THTPA: variants seen among roughly 807,000 people sequenced by gnomAD.
THTPA encodes the protein thiamine-triphosphatase.
In THTPA, 16 loss-of-function variants were observed where a neutral mutation model predicts 16.5. The ratio of observed to expected loss-of-function variants is 0.97; its 90% CI spans 0.66 to 1.47. The LOEUF (loss-of-function observed/expected upper bound fraction) is 1.47. Ranked by LOEUF, THTPA falls within the 40% of genes most tolerant of loss-of-function variation. The probability of loss-of-function intolerance (pLI) is 0.00; values close to 1 mark genes in which losing one functional copy is unlikely to be tolerated. For missense variants in THTPA, 281 were observed against 280.9 expected (o/e 1.00, Z 0.00); for synonymous variants, 110 against 115.5 (o/e 0.95, Z 0.30).
the THTPA span, among the ~76,000 whole-genome samples, chr14:23,549,689 G>A: frequency 1.3e-5 from 2 of 152,294 alleles, no homozygotes; most frequent in African/African-American, 2.4e-5. Context: ...GAGTCCTAGG[G>A]AATGTCCCCT....
chr14:23,538,784 G>A, the THTPA span, among the ~76,000 whole-genome samples: 6 of 152,108 alleles, frequency 3.9e-5, no homozygotes, highest in Admixed American at 1.3e-4. Context: ...GGTCAGGGAA[G>A]ACCTGGGTAG....
the THTPA span, chr14:23,535,259 G>A: frequency 6.6e-7 from 1 of 1,506,240 alleles, no homozygotes; most frequent in Non-Finnish European, 8.9e-7. The surrounding 1 kb of genome is among the most constrained non-coding windows in gnomAD (Gnocchi z 4.5). Context: ...TCCGAAGGCA[G>A]GGACGGGGCA....
Position 23,559,999 on chromosome 14 carries a change from G to A in THTPA, c.*1159G>A, listed in dbSNP as rs1247180749. On this transcript the variant is annotated 3_prime_UTR_variant, in exon 2 of 2. Transcript: ENST00000288014. ...AGGAAGGCCACCCCGAGCTGGAACT[G>A]TGTTCCCACTGGGGGCCTGCAGCTG... The A allele has an allele frequency of 1.2e-5, 19 of 1,611,888 alleles. No individual in the cohort carries two copies. Among genetic ancestry groups the A allele is most frequent in the Non-Finnish European group, 1.5e-5 (18 of 1,178,744 alleles).
the THTPA span, chr14:23,530,690 T>TA: frequency 5.9e-6 from 2 of 341,698 alleles, no homozygotes; most frequent in Middle Eastern, 1.0e-3. Context: ...ATTAAAGTGT[T>TA]AAAGTTCCTT....
At chr14:23,531,745 C>T in the THTPA span, 5 of 1,317,632 alleles carry the variant, frequency 3.8e-6, no homozygotes, top group East Asian at 1.5e-4. Context: ...AAGAGGCTGG[C>T]TCAGGCCCAG....
At chr14:23,552,487 T>G (rs920189552), upstream of THTPA, among the ~76,000 whole-genome samples, 1 of 152,050 alleles carries the variant, frequency 6.6e-6, no homozygotes, top group Non-Finnish European at 1.5e-5. Flanking sequence ...GAGACGGGGT[T>G]TCACCACGTT....
chr14:23,554,380 GTTTA>G (rs951996555), upstream of THTPA, among the ~76,000 whole-genome samples: 2 of 152,032 alleles, frequency 1.3e-5, no homozygotes, highest in African/African-American at 4.8e-5. Flanking sequence ...GATGCCATTT[GTTTA>G]TTTATTTATG....
the THTPA span, chr14:23,527,024 A>C: frequency 1.4e-6 from 2 of 1,459,816 alleles, no homozygotes; most frequent in Non-Finnish European, 1.8e-6. Context: ...CACTGCCCCT[A>C]TGCCACTCCT....
chr14:23,526,706 G>C, the THTPA span: 2 of 1,535,904 alleles, frequency 1.3e-6, no homozygotes, highest in Non-Finnish European at 1.7e-6. Flanking sequence ...AAAGTACAAT[G>C]AGGAGGGAAC....
At chr14:23,551,495 G>A (rs1881945015), upstream of THTPA, 1 of 150,710 alleles carries the variant, frequency 6.6e-6, no homozygotes, top group African/African-American at 2.5e-5. This position sits in a 1 kb window ranked among gnomAD's most constrained non-coding sequence, Gnocchi z 5.3. Context: ...TCGCTCCGGG[G>A]CGTCAGGGAC....
the THTPA span, chr14:23,525,597 A>G: frequency 6.5e-7 from 1 of 1,535,726 alleles, no homozygotes. The surrounding 1 kb of genome is among the most constrained non-coding windows in gnomAD (Gnocchi z 5.9). Context: ...ACCAGCTCAA[A>G]GCCAAAGTTT....
upstream of THTPA, among the ~76,000 whole-genome samples, chr14:23,554,714 CCTT>C (rs989882275): frequency 1.1e-4 from 16 of 152,170 alleles, 1 homozygote; most frequent in African/African-American, 3.9e-4. Flanking sequence ...AAACCAGTGT[CCTT>C]CTCCCTATAA....
rs775938327 is a variant in THTPA at position 23,558,742 on chromosome 14, CA to C, written c.596del (p.Gln199ArgfsTer12). 8.1e-6 allele frequency: 13 copies of C among 1,614,262 alleles called. No homozygotes were observed. Among genetic ancestry groups the C allele is most frequent in the Non-Finnish European group, 9.3e-6 (11 of 1,180,048 alleles). ...TAPAKLIVYL[Q>X]RFRPQDYQRL... ...ACCAGCCAAGCTGATTGTGTATCTA[CA>C]GCGTTTCCGGCCTCAAGACTATCAG... is the stretch of plus-strand genomic sequence containing the variant. On this transcript the variant is annotated frameshift_variant, in exon 2 of 2. Coordinates refer to ENST00000288014, the MANE Select transcript of THTPA (RefSeq NM_024328.6). LOFTEE classifies it low-confidence loss of function (END_TRUNC).
At chr14:23,541,972 AAG>A in the THTPA span, among the ~76,000 whole-genome samples, 3 of 152,200 alleles carry the variant, frequency 2.0e-5, no homozygotes, top group African/African-American at 7.2e-5. Context: ...TTTTGTCCAA[AAG>A]AGAGAGAAAG....
At chr14:23,527,918 T>G in the THTPA span, 5 of 1,055,734 alleles carry the variant, frequency 4.7e-6, no homozygotes, top group Non-Finnish European at 6.6e-6. Flanking sequence ...TTTTTTTTTT[T>G]TTTTTTTAGA....
chr14:23,532,066 G>C, the THTPA span: 1 of 185,708 alleles, frequency 5.4e-6, no homozygotes, highest in Non-Finnish European at 1.1e-5. Flanking sequence ...GTGAGCCACC[G>C]CACCTAGCCT....
chr14:23,522,496 C>T, the THTPA span: 1 of 1,533,576 alleles, frequency 6.5e-7, no homozygotes, highest in African/African-American at 1.4e-5. Context: ...CATTGGGGAG[C>T]AGCCCAATGA....
chr14:23,520,903 T>G, the THTPA span: 2 of 152,030 alleles, frequency 1.3e-5, no homozygotes, highest in Admixed American at 1.3e-4. The surrounding 1 kb of genome is among the most constrained non-coding windows in gnomAD (Gnocchi z 8.7). Flanking sequence ...TTTTCCAAGT[T>G]TACGTTTTTC....
intron 1 of THTPA, among the ~76,000 whole-genome samples, chr14:23,558,333 T>G (rs1882778559): frequency 6.6e-6 from 1 of 152,270 alleles, no homozygotes; most frequent in Non-Finnish European, 1.5e-5. Context: ...CTAATGAGCT[T>G]TGGCCTGGTC....
Sources: gnomAD v4.1 joint callset for allele counts (sites outside exome capture counted in the v4.1 genomes callset) on GRCh38, gnomAD v4.1.1 for gene constraint, Gnocchi (gnomAD v3.1) non-coding constraint, MANE v1.5 for transcripts, NCBI Gene and HGNC (gene_info 2026-07-23, HGNC 2026-07-21) for gene names.